The following AXIN1 variants were observed in gnomAD, a reference collection of about 807,000 sequenced individuals.
AXIN1 encodes axin 1.
A neutral mutation model predicts 76.4 loss-of-function variants in AXIN1; 30 were observed. The observed-to-expected ratio is 0.39, with a 90% CI of 0.29 to 0.53. The LOEUF (loss-of-function observed/expected upper bound fraction) is 0.53, where lower values mean the gene tolerates loss of function less well. AXIN1 is among the 20% of genes least tolerant of loss of function. AXIN1 has a pLI of 0.66. For missense variants in AXIN1, 1,140 were observed against 1,198.8 expected, an observed-to-expected ratio of 0.95 and a Z score of 0.72; for synonymous variants, 545 against 501.4, an observed-to-expected ratio of 1.09 and a Z score of -1.16.
At position 288,115 on chromosome 16, in the gene AXIN1, C is replaced by T. The variant is rs776248986; in HGVS notation, c.*7G>A. 8.1e-6 allele frequency: 13 copies of T among 1,613,292 alleles called. No individual in the cohort carries two copies. The highest frequency in any genetic ancestry group is 1.1e-5 in the Non-Finnish European group (13 of 1,180,010). ...TCGCCTGGCACAGCGGCCAGCCCACCAGCCTATCAGTCCACCTTCTCCACT... is the reference window on the plus strand; with the variant it reads ...TCGCCTGGCACAGCGGCCAGCCCACTAGCCTATCAGTCCACCTTCTCCACT... On this transcript the variant is annotated 3_prime_UTR_variant, in exon 11 of 11. Transcript: ENST00000262320.
chr16:344,663 A>G (rs2053999549), intron 2 of AXIN1, among the ~76,000 whole-genome samples: 1 of 151,630 alleles, frequency 6.6e-6, no homozygotes, highest in Non-Finnish European at 1.5e-5. Flanking sequence ...TAATTTTTGT[A>G]TTTTTAGTAG....
intron 1 of AXIN1, among the ~76,000 whole-genome samples, chr16:351,650 T>C (rs376800738): frequency 2.6e-5 from 4 of 151,634 alleles, no homozygotes; most frequent in South Asian, 4.2e-4. Flanking sequence ...GTCACCCCTG[T>C]AGTCCCAACA....
At chr16:339,210 A>AG (rs2053865287) in intron 2 of AXIN1, among the ~76,000 whole-genome samples, 2 of 149,790 alleles carry the variant, frequency 1.3e-5, no homozygotes, top group East Asian at 3.9e-4. Flanking sequence ...AAAAAAAAAA[A>AG]AAAAAAAAAA....
At chr16:343,997 G>C (rs1277463077) in intron 2 of AXIN1, among the ~76,000 whole-genome samples, 1 of 141,844 alleles carries the variant, frequency 7.1e-6, no homozygotes, top group African/African-American at 2.6e-5. Context: ...GACAGAGCGA[G>C]ACTCCATTTC....
At chr16:289,882 C>G (rs1328787914) in intron 9 of AXIN1, 2 of 554,644 alleles carry the variant, frequency 3.6e-6, no homozygotes, top group East Asian at 6.3e-5. Context: ...CTGCCAGGTG[C>G]ACTGCAGCTC....
At chr16:290,874 G>A (rs983929784) in intron 9 of AXIN1, 12 of 460,442 alleles carry the variant, frequency 2.6e-5, no homozygotes, top group Non-Finnish European at 3.2e-5. Context: ...GGGTGGAGGC[G>A]CAGGCAGGTC....
chr16:337,978 C>T (rs2053841783), intron 2 of AXIN1, among the ~76,000 whole-genome samples: 1 of 152,082 alleles, frequency 6.6e-6, no homozygotes, highest in African/African-American at 2.4e-5. Flanking sequence ...CTGAGAGAAC[C>T]CTGAGTGGTT....
In AXIN1 at chr16:293,469, C is replaced by A. The variant is rs2052624551; in HGVS notation, c.2186+19G>T. 1.2e-6 allele frequency: 2 copies of A among 1,605,804 alleles called. No homozygotes were observed. The highest frequency in any genetic ancestry group is 8.5e-7 in the Non-Finnish European group (1 of 1,178,874). ...GTGGTAACCCCCAAGACCCACCCCA[C>A]CCCACGACGCGGCCGTACCTCTGCT... On this transcript the variant is annotated intron_variant, in intron 8 of 10. Transcript: ENST00000262320. The surrounding 1 kb of genome is among the most constrained non-coding windows in gnomAD (Gnocchi z 4.6).
rs2141484631 is a variant in AXIN1 at position 293,485 on chromosome 16, T to C, written c.2186+3A>G. ...CCCACCCCACCCCACGACGCGGCCG[T>C]ACCTCTGCTTGGAGGGTGCTCGGCT... is the stretch of plus-strand genomic sequence containing the variant. On this transcript the variant is annotated splice_donor_region_variant and intron_variant, in intron 8 of 10. Coordinates refer to ENST00000262320, the MANE Select transcript of AXIN1 (RefSeq NM_003502.4). This position sits in a 1 kb window ranked among gnomAD's most constrained non-coding sequence, Gnocchi z 4.6. 4.4e-6 allele frequency: 7 copies of C among 1,608,608 alleles called. No homozygotes were observed. The highest frequency in any genetic ancestry group is 5.9e-6 in the Non-Finnish European group (7 of 1,179,806).
rs372291223 is a variant in AXIN1, at chr16:297,154, C to T, written c.1857G>A (p.Val619=). 1.2e-6 allele frequency: 2 copies of T among 1,612,390 alleles called. No homozygotes were observed. The highest frequency in any genetic ancestry group is 8.5e-7 in the Non-Finnish European group (1 of 1,179,956). Residue 619 remains valine (V), a synonymous_variant, in exon 7 of 11, where the codon GTG becomes GTA. Coordinates refer to ENST00000262320, the MANE Select transcript of AXIN1 (RefSeq NM_003502.4). ...AESGKSASTE[V]PGASEDAEKN... Reference sequence around the variant, plus strand: ...TCTCCGCATCCTCCGAGGCACCTGGCACCTCGGTGCTGGCGCTCTTCCCCG... The same window carrying T: ...TCTCCGCATCCTCCGAGGCACCTGGTACCTCGGTGCTGGCGCTCTTCCCCG...
intron 2 of AXIN1, among the ~76,000 whole-genome samples, chr16:343,863 A>C (rs545383773): frequency 4.1e-4 from 59 of 142,968 alleles, no homozygotes; most frequent in Non-Finnish European, 7.8e-4. Context: ...AAAATTAGCC[A>C]GGCATGGTAG....
chr16:289,078 TCTTC>T (rs1484585942), intron 10 of AXIN1, among the ~76,000 whole-genome samples: 2 of 139,750 alleles, frequency 1.4e-5, no homozygotes, highest in African/African-American at 5.7e-5. Context: ...AAGCCCTTTT[TCTTC>T]TTTTTTTTTT....
intron 2 of AXIN1, among the ~76,000 whole-genome samples, chr16:328,180 C>G (rs957558423): frequency 2.0e-5 from 3 of 152,154 alleles, no homozygotes; most frequent in Admixed American, 6.6e-5. Flanking sequence ...TCACTTGAGT[C>G]CTGGAGTTCA....
At chr16:335,004 T>G (rs2053774126) in intron 2 of AXIN1, among the ~76,000 whole-genome samples, 1 of 152,210 alleles carries the variant, frequency 6.6e-6, no homozygotes, top group Non-Finnish European at 1.5e-5. Context: ...TTTACCCAAA[T>G]GAACCAAACG....
At chr16:304,732 G>A (rs1408685310) in intron 4 of AXIN1, among the ~76,000 whole-genome samples, 10 of 152,000 alleles carry the variant, frequency 6.6e-5, no homozygotes, top group South Asian at 6.2e-4. Context: ...ATGGGGTTTC[G>A]TCATGTTGGC....
intron 4 of AXIN1, among the ~76,000 whole-genome samples, chr16:307,750 C>T (rs760669716): frequency 3.9e-5 from 6 of 152,338 alleles, no homozygotes; most frequent in Admixed American, 6.5e-5. Flanking sequence ...ACCAGAGAAA[C>T]GGCATAGCTT....
At chr16:328,657 T>C (rs2053629606) in intron 2 of AXIN1, among the ~76,000 whole-genome samples, 1 of 152,098 alleles carries the variant, frequency 6.6e-6, no homozygotes, top group African/African-American at 2.4e-5. Context: ...GACCACACCA[T>C]TGCTCTCCAG....
At chr16:327,828 G>A (rs1415324133) in intron 2 of AXIN1, among the ~76,000 whole-genome samples, 1 of 152,226 alleles carries the variant, frequency 6.6e-6, no homozygotes, top group East Asian at 1.9e-4. Context: ...GGCACATGAT[G>A]CAGAAAGCCC....
At chr16:306,365 A>G (rs1402294558) in intron 4 of AXIN1, among the ~76,000 whole-genome samples, 1 of 152,154 alleles carries the variant, frequency 6.6e-6, no homozygotes, top group Non-Finnish European at 1.5e-5. Context: ...TTCATAGCAA[A>G]ACATGTTTTA....
Sources: allele counts gnomAD v4.1 joint callset (sites outside exome capture counted in the v4.1 genomes callset), GRCh38; gene constraint gnomAD v4.1.1; non-coding constraint Gnocchi (gnomAD v3.1); transcripts MANE v1.5; gene names NCBI Gene and HGNC (gene_info 2026-07-23, HGNC 2026-07-21).